The following MEIS2 variants were observed in gnomAD, a reference collection of about 807,000 sequenced individuals.
The protein encoded by MEIS2 is Meis homeobox 2.
MEIS2 carries 9 observed loss-of-function variants against 58.6 expected under a neutral mutation model. The observed-to-expected ratio is 0.15, with a 90% confidence interval of 0.09 to 0.27. The LOEUF (loss-of-function observed/expected upper bound fraction) is 0.27. Among genes scored for constraint, MEIS2 ranks in the 10% least tolerant of loss-of-function variants. The pLI, the probability that MEIS2 is intolerant of heterozygous loss-of-function variation, is 1.00. For synonymous variants in MEIS2, 221 were observed against 228.4 expected (o/e 0.97, Z 0.29); for missense variants, 427 against 635.0 (o/e 0.67, Z 3.52).
intron 8 of MEIS2, among the ~76,000 whole-genome samples, chr15:36,977,306 G>T (rs2059790743): frequency 6.6e-6 from 1 of 151,976 alleles, no homozygotes. Flanking sequence ...TTAAAGAAAA[G>T]GATTTAAATC....
intron 7 of MEIS2, among the ~76,000 whole-genome samples, chr15:37,077,746 G>A (rs534014877): frequency 2.0e-5 from 3 of 151,954 alleles, no homozygotes; most frequent in South Asian, 2.1e-4. Context: ...GCGGCATGAC[G>A]TTAGCTTGAC....
intron 9 of MEIS2, among the ~76,000 whole-genome samples, chr15:36,912,437 C>T (rs1207475852): frequency 6.6e-6 from 1 of 152,206 alleles, no homozygotes; most frequent in Admixed American, 6.5e-5. Context: ...GGTTTCCCTA[C>T]AGAGTTATCT....
At chr15:37,096,653 G>C in intron 2 of MEIS2, 1 of 427,846 alleles carries the variant, frequency 2.3e-6, no homozygotes, top group Non-Finnish European at 4.1e-6. Context: ...CTCAGATCTG[G>C]CCAGAGAAGA....
intron 9 of MEIS2, among the ~76,000 whole-genome samples, chr15:36,949,578 T>C (rs2058685871): frequency 6.6e-6 from 1 of 152,010 alleles, no homozygotes; most frequent in South Asian, 2.1e-4. Context: ...TTCCCTGAAT[T>C]TTGAAAGAGA....
chr15:36,970,067 T>C (rs918955991), intron 8 of MEIS2, among the ~76,000 whole-genome samples: 2 of 152,166 alleles, frequency 1.3e-5, no homozygotes, highest in African/African-American at 4.8e-5. Flanking sequence ...AAAGATTGAA[T>C]GCCTGGTTAA....
intron 7 of MEIS2, among the ~76,000 whole-genome samples, chr15:37,037,538 T>C (rs531372854): frequency 1.4e-5 from 2 of 145,454 alleles, no homozygotes; most frequent in Non-Finnish European, 3.1e-5. Flanking sequence ...ATCATTATCA[T>C]GAAAAAAAAA....
At chr15:37,011,589 GACC>G (rs1181289110) in intron 8 of MEIS2, among the ~76,000 whole-genome samples, 1 of 138,474 alleles carries the variant, frequency 7.2e-6, no homozygotes, top group Non-Finnish European at 1.5e-5. Flanking sequence ...TATGTTTACA[GACC>G]AGCATCTATC....
intron 8 of MEIS2, among the ~76,000 whole-genome samples, chr15:37,017,546 C>T (rs372014485): frequency 2.0e-5 from 3 of 152,178 alleles, no homozygotes; most frequent in African/African-American, 4.8e-5. Context: ...AGAAGTGCAG[C>T]GAGCTATGAT....
At chr15:36,932,507 T>C (rs1779996967) in intron 9 of MEIS2, among the ~76,000 whole-genome samples, 1 of 152,232 alleles carries the variant, frequency 6.6e-6, no homozygotes, top group South Asian at 2.1e-4. Context: ...ATTATGGTCT[T>C]TTTTTAAGAT....
intron 8 of MEIS2, among the ~76,000 whole-genome samples, chr15:36,961,180 T>C (rs1270031838): frequency 1.3e-5 from 2 of 152,168 alleles, no homozygotes. Context: ...TTTCTGAGCA[T>C]ATAAAAGAAA....
At chr15:36,909,663 G>A (rs1005145299) in intron 9 of MEIS2, among the ~76,000 whole-genome samples, 1 of 152,250 alleles carries the variant, frequency 6.6e-6, no homozygotes, top group Admixed American at 6.5e-5. Flanking sequence ...AATCTATCTG[G>A]GCATTAGAGA....
intron 8 of MEIS2, among the ~76,000 whole-genome samples, chr15:36,998,236 GTTTTTTTTTTTT>G (rs5811954): frequency 4.5e-5 from 3 of 66,772 alleles, no homozygotes; most frequent in African/African-American, 1.7e-4. Flanking sequence ...AAAACACAAA[GTTTTTTTTTTTT>G]TTTTTTTTTT....
At chr15:37,018,968 G>T (rs1331352658) in intron 8 of MEIS2, among the ~76,000 whole-genome samples, 1 of 152,058 alleles carries the variant, frequency 6.6e-6, no homozygotes, top group East Asian at 1.9e-4. Context: ...GTCATTGATG[G>T]TCCCACACTA....
At chr15:36,910,417 G>A (rs969058091) in intron 9 of MEIS2, among the ~76,000 whole-genome samples, 1 of 152,046 alleles carries the variant, frequency 6.6e-6, no homozygotes, top group African/African-American at 2.4e-5. Context: ...CTTTAATAGA[G>A]TGATATATAT....
rs538618148 is a variant in MEIS2 at position 36,970,341 on chromosome 15, T to C, written c.901-19941A>G. Among the ~76,000 whole-genome samples the C allele has an allele frequency of 5.8e-3, 886 of 151,816 alleles. 8 individuals carry two copies. The highest frequency in any genetic ancestry group is 0.034 in the South Asian group (165 of 4,806). ...ATGGCGTGAACCCGGGAGGCGGAGCTTGCAGTGAGCCGAGATCGCGCCACT... is the reference window on the plus strand; with the variant it reads ...ATGGCGTGAACCCGGGAGGCGGAGCCTGCAGTGAGCCGAGATCGCGCCACT... On this transcript the variant is annotated intron_variant, in intron 8 of 11. Transcript: ENST00000561208.
At chr15:36,960,265 A>G (rs1359166593) in intron 8 of MEIS2, among the ~76,000 whole-genome samples, 1 of 151,974 alleles carries the variant, frequency 6.6e-6, no homozygotes, top group African/African-American at 2.4e-5. Context: ...TTTTTCAAAA[A>G]GGTTATTATC....
intron 8 of MEIS2, among the ~76,000 whole-genome samples, chr15:37,001,307 C>T (rs1275233416): frequency 6.6e-6 from 1 of 152,152 alleles, no homozygotes; most frequent in Non-Finnish European, 1.5e-5. Context: ...GTAACAATCT[C>T]ACCACTTCAG....
chr15:37,076,698 C>G (rs550125963), intron 7 of MEIS2, among the ~76,000 whole-genome samples: 1 of 151,888 alleles, frequency 6.6e-6, no homozygotes, highest in East Asian at 1.9e-4. Context: ...TAAATTTATC[C>G]TATAATATGA....
At chr15:36,951,250 C>T (rs181185785) in intron 8 of MEIS2, among the ~76,000 whole-genome samples, 95 of 152,188 alleles carry the variant, frequency 6.2e-4, no homozygotes, top group African/African-American at 2.2e-3. Context: ...TAGACCCATA[C>T]CTTTATTTTA....
Sources: gnomAD v4.1 joint callset for allele counts (sites outside exome capture counted in the v4.1 genomes callset) on GRCh38, gnomAD v4.1.1 for gene constraint, MANE v1.5 for transcripts, NCBI Gene and HGNC (gene_info 2026-07-23, HGNC 2026-07-21) for gene names.